The following KLHL1 variants were observed in gnomAD, a reference collection of about 807,000 sequenced individuals.
KLHL1 encodes kelch like family member 1.
Under a neutral mutation model 77.7 loss-of-function variants are expected in KLHL1, and 47 were observed. The observed-to-expected ratio is 0.60, with a 90% CI of 0.48 to 0.77. The LOEUF is 0.77. Ranked by LOEUF, KLHL1 falls within the 30% of genes least tolerant of loss-of-function variation. The pLI, the probability that KLHL1 is intolerant of heterozygous loss-of-function variation, is 0.00. For synonymous variants in KLHL1, 360 were observed against 325.2 expected (o/e 1.11, Z -1.15); for missense variants, 925 against 910.8 (o/e 1.02, Z -0.20).
At position 69,969,964 on chromosome 13, in the gene KLHL1, T is replaced by A. The variant is rs545866716; in HGVS notation, c.680+5656A>T. Among the ~76,000 whole-genome samples, 6 of 152,300 alleles carry A rather than the reference T, an allele frequency of 3.9e-5. No individual in the cohort carries two copies. In the South Asian group the frequency reaches 1.2e-3, roughly 32 times the overall value. On this transcript the variant is annotated intron_variant, in intron 2 of 10. Transcript: ENST00000377844. Reference sequence around the variant, plus strand: ...TTTTAAGTTCCACTTCAATTTATTATGGTGTTTGATATTGTTAACCTCCCA... The same window carrying A: ...TTTTAAGTTCCACTTCAATTTATTAAGGTGTTTGATATTGTTAACCTCCCA...
chr13:69,897,858 A>C (rs2138220924), intron 4 of KLHL1, among the ~76,000 whole-genome samples: 1 of 152,300 alleles, frequency 6.6e-6, no homozygotes, highest in East Asian at 1.9e-4. Context: ...GAGATCATTA[A>C]CCAGATTTAG....
intron 1 of KLHL1, among the ~76,000 whole-genome samples, chr13:70,069,539 A>G (rs1887091397): frequency 6.6e-6 from 1 of 152,240 alleles, no homozygotes; most frequent in African/African-American, 2.4e-5. Flanking sequence ...GAGAATTCAG[A>G]ATTATAAGAC....
At chr13:69,948,889 G>A (rs1883615612) in intron 3 of KLHL1, among the ~76,000 whole-genome samples, 2 of 151,764 alleles carry the variant, frequency 1.3e-5, no homozygotes, top group Admixed American at 6.6e-5. Flanking sequence ...AATTCACAAC[G>A]TAAATCAAAT....
At chr13:70,007,717 T>C (rs1885438882) in intron 1 of KLHL1, among the ~76,000 whole-genome samples, 1 of 152,004 alleles carries the variant, frequency 6.6e-6, no homozygotes, top group Admixed American at 6.6e-5. Context: ...CTGTATTACT[T>C]TACAAATTAA....
At chr13:69,737,952 A>G (rs1366595321) in intron 8 of KLHL1, among the ~76,000 whole-genome samples, 2 of 152,136 alleles carry the variant, frequency 1.3e-5, no homozygotes, top group African/African-American at 4.8e-5. Flanking sequence ...ACCTGCAAAC[A>G]GAAGTCTCCA....
At chr13:69,857,782 T>C (rs1879978900) in intron 5 of KLHL1, among the ~76,000 whole-genome samples, 1 of 151,888 alleles carries the variant, frequency 6.6e-6, no homozygotes, top group Admixed American at 6.6e-5. Context: ...TTGATATCCT[T>C]GGCTAGGAAA....
At chr13:70,044,467 T>C (rs1886449301) in intron 1 of KLHL1, among the ~76,000 whole-genome samples, 1 of 152,170 alleles carries the variant, frequency 6.6e-6, no homozygotes, top group Non-Finnish European at 1.5e-5. Flanking sequence ...TATTTAATTA[T>C]TTAAGTTAAA....
rs1275953644 is a variant in KLHL1 at position 69,908,161 on chromosome 13, C to T, written c.1015-25666G>A. 1.5e-4 allele frequency among the ~76,000 whole-genome samples: 23 copies of T among 151,704 alleles called. 1 individual carries two copies. Among genetic ancestry groups the T allele is most frequent in the Admixed American group, 1.5e-3 (23 of 15,190 alleles). ...TGTAGCTTGTAAATAATTGTTGAAG[C>T]CATGGGCTATGGGTATACCAGCAGA... On this transcript the variant is annotated intron_variant, in intron 4 of 10. Coordinates refer to ENST00000377844, the MANE Select transcript of KLHL1 (RefSeq NM_020866.3).
intron 6 of KLHL1, among the ~76,000 whole-genome samples, chr13:69,809,881 A>G (rs116516303): frequency 6.6e-6 from 1 of 152,116 alleles, no homozygotes; most frequent in Non-Finnish European, 1.5e-5. Context: ...AATGGAAAAA[A>G]AAAAAGCAGG....
intron 7 of KLHL1, among the ~76,000 whole-genome samples, chr13:69,758,276 A>G (rs1461640680): frequency 6.6e-6 from 1 of 152,102 alleles, no homozygotes; most frequent in Non-Finnish European, 1.5e-5. Context: ...TATCAATACA[A>G]AAGCTAATTT....
chr13:69,802,243 C>T (rs1280056876), intron 6 of KLHL1, among the ~76,000 whole-genome samples: 2 of 152,128 alleles, frequency 1.3e-5, no homozygotes, highest in African/African-American at 4.8e-5. Flanking sequence ...ATATGTGCCC[C>T]ATTTTCTTTA....
At chr13:69,930,868 T>C (rs1882983276) in intron 4 of KLHL1, among the ~76,000 whole-genome samples, 1 of 151,688 alleles carries the variant, frequency 6.6e-6, no homozygotes, top group Non-Finnish European at 1.5e-5. Context: ...TGTCTATTTA[T>C]GTATGTAAAT....
At chr13:69,862,020 T>TAAAAG (rs1880188699) in intron 5 of KLHL1, among the ~76,000 whole-genome samples, 1 of 145,558 alleles carries the variant, frequency 6.9e-6, no homozygotes, top group Admixed American at 6.8e-5. Flanking sequence ...TAAAATAAAA[T>TAAAAG]AAAAGCAAAT....
At chr13:69,940,759 T>C (rs1346075129) in intron 3 of KLHL1, among the ~76,000 whole-genome samples, 2 of 150,978 alleles carry the variant, frequency 1.3e-5, no homozygotes, top group African/African-American at 4.9e-5. Context: ...TTCTTTGTTT[T>C]TGTTTCCCTG....
chr13:69,893,318 T>A (rs916419831), intron 4 of KLHL1, among the ~76,000 whole-genome samples: 3 of 149,318 alleles, frequency 2.0e-5, no homozygotes, highest in Non-Finnish European at 3.0e-5. Context: ...CACTGCAAGC[T>A]CCGCTTCCCG....
chr13:69,744,402 T>C (rs1270968277), intron 7 of KLHL1, among the ~76,000 whole-genome samples: 1 of 152,028 alleles, frequency 6.6e-6, no homozygotes, highest in Admixed American at 6.6e-5. Flanking sequence ...CTTAGTGATA[T>C]ATCCTGTAAA....
intron 6 of KLHL1, 86 bp downstream of exon 6, chr13:69,838,890 T>C: frequency 2.4e-6 from 2 of 826,120 alleles, no homozygotes; most frequent in South Asian, 6.6e-5. Flanking sequence ...GTTTATGTCA[T>C]TTTTTGTAGT....
intron 9 of KLHL1, among the ~76,000 whole-genome samples, chr13:69,715,303 C>T (rs1442556630): frequency 6.6e-6 from 1 of 151,932 alleles, no homozygotes; most frequent in Non-Finnish European, 1.5e-5. Flanking sequence ...GGGTGGTTTC[C>T]CCCATGCTAT....
chr13:70,105,362 T>C (rs1392027677), intron 1 of KLHL1, among the ~76,000 whole-genome samples: 1 of 151,758 alleles, frequency 6.6e-6, no homozygotes, highest in Non-Finnish European at 1.5e-5. Flanking sequence ...AAACTCCAAA[T>C]TACATAAAAG....
Sources: allele counts gnomAD v4.1 joint callset (sites outside exome capture counted in the v4.1 genomes callset), GRCh38; gene constraint gnomAD v4.1.1; transcripts MANE v1.5; gene names NCBI Gene and HGNC (gene_info 2026-07-23, HGNC 2026-07-21).